The following ULK4 variants were observed in gnomAD, a reference collection of about 807,000 sequenced individuals.
The protein encoded by ULK4 is unc-51 like kinase 4.
Under a neutral mutation model 160.6 loss-of-function variants are expected in ULK4, and 133 were observed. That is an observed-to-expected ratio of 0.83 (90% confidence interval 0.72 to 0.96). ULK4 has a LOEUF of 0.96. Ranked by LOEUF, ULK4 falls within the 40% of genes least tolerant of loss-of-function variation. The pLI is 0.00. For missense variants in ULK4, 1,580 were observed against 1,499.5 expected (o/e 1.05, Z -0.89); for synonymous variants, 534 against 539.8 (o/e 0.99, Z 0.15).
intron 21 of ULK4, among the ~76,000 whole-genome samples, chr3:41,768,407 G>T (rs2039240101): frequency 6.6e-6 from 1 of 152,152 alleles, no homozygotes; most frequent in Non-Finnish European, 1.5e-5. Context: ...AAGAAAAGTG[G>T]TAGAAGTGAT....
intron 27 of ULK4, among the ~76,000 whole-genome samples, chr3:41,703,415 A>C (rs913973797): frequency 6.6e-6 from 1 of 152,178 alleles, no homozygotes; most frequent in Non-Finnish European, 1.5e-5. Context: ...AAGTACATAT[A>C]TATTAATAAC....
At chr3:41,329,385 A>C (rs2080400528) in intron 35 of ULK4, among the ~76,000 whole-genome samples, 1 of 152,186 alleles carries the variant, frequency 6.6e-6, no homozygotes, top group African/African-American at 2.4e-5. Context: ...ATTGATGTTT[A>C]CTTTTACAGG....
At position 41,831,531 on chromosome 3, in the gene ULK4, A is replaced by ATATATATATATATTTTTTTT; in HGVS notation, c.1764+4332_1764+4333insAAAAAAAATATATATATATA. 9.4e-5 allele frequency among the ~76,000 whole-genome samples: 13 copies of ATATATATATATATTTTTTTT among 138,124 alleles called. No homozygotes were observed. In the East Asian group the frequency reaches 2.5e-3, roughly 27 times the overall value. The allele number at this position is 138,124 out of a possible 152,430, so 90.6% of individuals were successfully genotyped here. On this transcript the variant is annotated intron_variant, in intron 18 of 36. Transcript: ENST00000301831. Reference sequence around the variant, plus strand: ...TTATTGTTATTTTATATATATATATATTTTTTTTTCTTTCTTAAACTTTAG... The same window carrying ATATATATATATATTTTTTTT: ...TTATTGTTATTTTATATATATATATATATATATATATATTTTTTTTTTTTTTTTTCTTTCTTAAACTTTAG...
At chr3:41,665,358 A>C (rs1005612471) in intron 29 of ULK4, among the ~76,000 whole-genome samples, 2 of 152,168 alleles carry the variant, frequency 1.3e-5, no homozygotes, top group African/African-American at 2.4e-5. Context: ...AAAAAAAAGC[A>C]GTCCCAAGAA....
intron 34 of ULK4, among the ~76,000 whole-genome samples, chr3:41,411,429 T>TTTTA (rs797006136): frequency 3.3e-5 from 5 of 151,798 alleles, no homozygotes; most frequent in African/African-American, 1.2e-4. Flanking sequence ...TCTTTTTTTT[T>TTTTA]TTTTTATTTT....
intron 30 of ULK4, among the ~76,000 whole-genome samples, chr3:41,626,181 T>A (rs985970617): frequency 3.9e-5 from 6 of 152,168 alleles, no homozygotes; most frequent in African/African-American, 1.4e-4. Flanking sequence ...ATTACCAAGT[T>A]TGGAATAAAC....
intron 1 of ULK4, among the ~76,000 whole-genome samples, chr3:41,956,017 TAACTAA>T (rs1700471905): frequency 6.6e-6 from 1 of 152,002 alleles, no homozygotes; most frequent in Non-Finnish European, 1.5e-5. Context: ...TGACTTCCTG[TAACTAA>T]ATTGAAAGGA....
At chr3:41,490,775 T>G (rs969876950) in intron 32 of ULK4, among the ~76,000 whole-genome samples, 1 of 152,228 alleles carries the variant, frequency 6.6e-6, no homozygotes, top group Non-Finnish European at 1.5e-5. Flanking sequence ...ACTTTTTGAA[T>G]GAATCAATCA....
At chr3:41,567,012 C>G (rs1382010727) in intron 31 of ULK4, among the ~76,000 whole-genome samples, 7 of 152,162 alleles carry the variant, frequency 4.6e-5, no homozygotes, top group Admixed American at 3.9e-4. Context: ...CTAGCTTGCC[C>G]TGCTCTACGT....
At chr3:41,370,149 T>C (rs946185001) in intron 35 of ULK4, among the ~76,000 whole-genome samples, 18 of 151,784 alleles carry the variant, frequency 1.2e-4, no homozygotes, top group Non-Finnish European at 2.2e-4. Flanking sequence ...AAAAGATCCA[T>C]GTAGAGTTTA....
intron 17 of ULK4, among the ~76,000 whole-genome samples, chr3:41,843,676 CAA>C (rs1306658680): frequency 6.6e-6 from 1 of 152,098 alleles, no homozygotes; most frequent in East Asian, 1.9e-4. Context: ...AGTGTGGACC[CAA>C]AGAGTGAGCA....
In ULK4 at chr3:41,819,405, A is replaced by G. The variant is rs763986450; in HGVS notation, c.1848+18T>C. 1 of 1,611,278 alleles carries G rather than the reference A, an allele frequency of 6.2e-7. No individual in the cohort carries two copies. The highest frequency in any genetic ancestry group is 8.5e-7 in the Non-Finnish European group (1 of 1,178,784). On this transcript the variant is annotated intron_variant, in intron 19 of 36. Transcript: ENST00000301831. The stretch of plus-strand genomic sequence containing the variant: ...TTACAATTGCCAGCATCTACAGAGG[A>G]CAACAAAGGAGCCTTACCCCTTCCC...
At chr3:41,715,167 C>T (rs755137517) in intron 25 of ULK4, 70 bp downstream of exon 25, 23 of 1,468,032 alleles carry the variant, frequency 1.6e-5, no homozygotes, top group Non-Finnish European at 2.1e-5. Flanking sequence ...CTCATTCTGA[C>T]ATCAAATTCT....
intron 32 of ULK4, among the ~76,000 whole-genome samples, chr3:41,555,563 A>G (rs897374081): frequency 2.0e-5 from 3 of 152,184 alleles, no homozygotes; most frequent in African/African-American, 7.2e-5. Context: ...GCACTTATAC[A>G]CTGTTGGTGG....
chr3:41,512,007 A>T (rs1168463953), intron 32 of ULK4, among the ~76,000 whole-genome samples: 1 of 152,214 alleles, frequency 6.6e-6, no homozygotes, highest in Non-Finnish European at 1.5e-5. Flanking sequence ...TACACCACAT[A>T]AACAGAATTA....
intron 35 of ULK4, among the ~76,000 whole-genome samples, chr3:41,318,575 A>G (rs772799985): frequency 6.6e-6 from 1 of 152,248 alleles, no homozygotes; most frequent in Non-Finnish European, 1.5e-5. Context: ...TTATCCTAAG[A>G]TATTTTAATG....
intron 32 of ULK4, among the ~76,000 whole-genome samples, chr3:41,512,448 A>G (rs1045220967): frequency 6.6e-6 from 1 of 152,214 alleles, no homozygotes; most frequent in Non-Finnish European, 1.5e-5. Flanking sequence ...ATTAATGTAC[A>G]CTACTCAGTA....
intron 34 of ULK4, among the ~76,000 whole-genome samples, chr3:41,431,354 C>A (rs1373972022): frequency 8.7e-6 from 1 of 114,384 alleles, no homozygotes; most frequent in Non-Finnish European, 1.8e-5. Flanking sequence ...CACACACACA[C>A]AAATAATAAT....
chr3:41,844,259 G>A lies in ULK4; in HGVS notation c.1657-8288C>T, dbSNP rs180777947. Among the ~76,000 whole-genome samples the A allele has an allele frequency of 4.0e-3, 607 of 152,236 alleles. 5 individuals carry two copies. Among genetic ancestry groups the A allele is most frequent in the Non-Finnish European group, 6.6e-3 (448 of 68,004 alleles). On this transcript the variant is annotated intron_variant, in intron 17 of 36. Coordinates refer to ENST00000301831, the MANE Select transcript of ULK4 (RefSeq NM_017886.4). Reference sequence around the variant, plus strand: ...GGAGACTCGGGCTGCACAGGAGCCCGCGGAGGGGGTGGGAGGCTCAGGCAT... The same window carrying A: ...GGAGACTCGGGCTGCACAGGAGCCCACGGAGGGGGTGGGAGGCTCAGGCAT...
Sources: gnomAD v4.1 joint callset for allele counts (sites outside exome capture counted in the v4.1 genomes callset) on GRCh38, gnomAD v4.1.1 for gene constraint, MANE v1.5 for transcripts, NCBI Gene and HGNC (gene_info 2026-07-23, HGNC 2026-07-21) for gene names.